HEATR1: variants seen among roughly 807,000 people sequenced by gnomAD.
HEATR1 encodes HEAT repeat containing 1.
HEATR1 carries 77 observed loss-of-function variants against 248.2 expected under a neutral mutation model. The ratio of observed to expected loss-of-function variants is 0.31; its 90% confidence interval spans 0.26 to 0.37. HEATR1 has a LOEUF of 0.37. Among genes scored for constraint, HEATR1 ranks in the 10% least tolerant of loss-of-function variants. The probability of loss-of-function intolerance (pLI) is 1.00; values close to 1 mark genes in which losing one functional copy is unlikely to be tolerated. For synonymous variants in HEATR1, 897 were observed against 923.1 expected, an observed-to-expected ratio of 0.97 and a Z score of 0.51; for missense variants, 2,420 against 2,504.9, an observed-to-expected ratio of 0.97 and a Z score of 0.72.
chr1:236,578,780 T>G (rs1433682604), intron 20 of HEATR1, among the ~76,000 whole-genome samples: 2 of 152,182 alleles, frequency 1.3e-5, no homozygotes, highest in Non-Finnish European at 2.9e-5. Flanking sequence ...ATGCCAGTTT[T>G]AAATAAAGAA....
rs368009730 is a variant in HEATR1 at position 236,582,793 on chromosome 1, C to G, written c.2505G>C (p.Met835Ile). ...YLHLLIGLFE[M>I]MLNGADAVHF... Reference sequence around the variant, plus strand: ...GAACAGCATCGGCACCATTGAGCATCATCTCAAACAGCCCAATGAGCAAGT... The same window carrying G: ...GAACAGCATCGGCACCATTGAGCATGATCTCAAACAGCCCAATGAGCAAGT... The change falls in exon 19 of 45, where the codon ATG becomes ATC. Residue 835 changes from methionine (M) to isoleucine (I), a missense_variant. By Grantham distance (10) the Met-to-Ile change is conservative. Transcript: ENST00000366582. 3.7e-6 allele frequency: 6 copies of G among 1,614,006 alleles called. No individual in the cohort carries two copies. Among genetic ancestry groups the G allele is most frequent in the Non-Finnish European group, 5.1e-6 (6 of 1,179,990 alleles).
intron 20 of HEATR1, among the ~76,000 whole-genome samples, chr1:236,578,433 T>C (rs1408607870): frequency 6.6e-6 from 1 of 152,250 alleles, no homozygotes; most frequent in Non-Finnish European, 1.5e-5. Flanking sequence ...TTCCCAATTA[T>C]GAAGTGAAAA....
At chr1:236,600,575 G>C (rs923068029) in intron 3 of HEATR1, among the ~76,000 whole-genome samples, 8 of 151,524 alleles carry the variant, frequency 5.3e-5, no homozygotes, top group African/African-American at 1.9e-4. Context: ...TGGTCACCCA[G>C]GCTGGAGTGC....
At chr1:236,599,675 C>T (rs1664265936) in intron 3 of HEATR1, 51 bp from the exon 4 acceptor site, 2 of 1,516,916 alleles carry the variant, frequency 1.3e-6, no homozygotes, top group African/African-American at 1.4e-5. Context: ...TAATAATAAG[C>T]ACCTATTTCC....
In HEATR1 at chr1:236,597,931, T is replaced by C. The variant is rs142578249; in HGVS notation, c.550A>G (p.Lys184Glu). The C allele has an allele frequency of 8.0e-4, 1,292 of 1,613,934 alleles. No individual in the cohort carries two copies. The highest frequency in any genetic ancestry group is 9.7e-4 in the Non-Finnish European group (1,145 of 1,179,922). Residue 184 changes from lysine (K) to glutamate (E), a missense_variant, in exon 5 of 45, where the codon AAA (lysine) becomes GAA (glutamate). Coordinates refer to ENST00000366582, the MANE Select transcript of HEATR1 (RefSeq NM_018072.6). ...ATGAAATCCATGAATCCAAGATCTT[T>C]GTAGCAGTGGGTAATCAAAGTTCCT... ...AKGTLITHCYKDLGFMDFICS... is the reference protein window; with the variant it reads ...AKGTLITHCYEDLGFMDFICS...
intron 31 of HEATR1, among the ~76,000 whole-genome samples, chr1:236,565,597 A>G (rs1274382932): frequency 6.6e-6 from 1 of 152,126 alleles, no homozygotes. Context: ...ATGTCTTCAG[A>G]TATTTTAATG....
intron 12 of HEATR1, among the ~76,000 whole-genome samples, chr1:236,590,331 G>T (rs998538914): frequency 1.3e-5 from 2 of 152,044 alleles, no homozygotes; most frequent in African/African-American, 4.8e-5. Flanking sequence ...ACACCCAAGA[G>T]ATCCTCCTAC....
chr1:236,565,927 T>C lies in HEATR1; in HGVS notation c.4427A>G (p.Glu1476Gly). 1 of 1,613,420 alleles carries C rather than the reference T, an allele frequency of 6.2e-7. No homozygotes were observed. The highest frequency in any genetic ancestry group is 8.5e-7 in the Non-Finnish European group (1 of 1,179,730). ...ACCCGATCTACGCTTACCTTCTTTT[T>C]CCTCTGGCAGCTTTAGTAAGTACTG... Reference protein sequence around the residue: ...ILQYLLKLPEEKEETIPKAVS... With the variant: ...ILQYLLKLPEGKEETIPKAVS... The change falls in exon 31 of 45, where the codon GAA becomes GGA. Residue 1476 changes from glutamate to glycine, a missense_variant. Coordinates refer to ENST00000366582, the MANE Select transcript of HEATR1 (RefSeq NM_018072.6).
rs1663222971 is a variant in HEATR1 at position 236,564,673 on chromosome 1, AT to A, written c.4436-13del. 3.7e-6 allele frequency: 6 copies of A among 1,606,030 alleles called. No individual in the cohort carries two copies. The East Asian group carries it at 1.3e-4, about 36-fold the overall frequency. On this transcript the variant is annotated splice_polypyrimidine_tract_variant and intron_variant, in intron 31 of 44. Coordinates refer to ENST00000366582, the MANE Select transcript of HEATR1 (RefSeq NM_018072.6). ...TTTGGGAATGGTTTCTGAAACAGCA[AT>A]AAAACAAGTGACCTTACTCATTTTC... is the stretch of plus-strand genomic sequence containing the variant.
Position 236,555,863 on chromosome 1 carries a change from T to A in HEATR1, c.5591A>T (p.Gln1864Leu), listed in dbSNP as rs755457626. 3.7e-6 allele frequency: 6 copies of A among 1,613,756 alleles called. No individual in the cohort carries two copies. In the African/African-American group the frequency reaches 6.7e-5, roughly 18 times the overall value. The change falls in exon 39 of 45, where the codon CAG becomes CTG. Residue 1864 changes from glutamine to leucine, a missense_variant. Gln to Leu is a moderately radical substitution (Grantham distance 113, BLOSUM62 -2). Coordinates refer to ENST00000366582, the MANE Select transcript of HEATR1 (RefSeq NM_018072.6). ...CAGGAAAAAGGCGGTTAGCTGAGAC[T>A]GATGGGAGGTGAGCTCTTCCTTCTT... ...VMKKEELTSH[Q>L]SQLTAFFLEA...
In HEATR1 at chr1:236,555,363, A is replaced by G; in HGVS notation, c.5856T>C (p.Thr1952=). ...GCTTCACTAAGTGGCCGGCAAACAG[A>G]GTAAAAAGCCCTTTCAGCTTTTCAG... ...CIAEKLKGLF[T]LFAGHLVKPF... Residue 1952 remains threonine, a synonymous_variant, in exon 41 of 45, where the codon ACT becomes ACC. Transcript: ENST00000366582. The G allele has an allele frequency of 1.2e-6, 2 of 1,614,256 alleles. No homozygotes were observed. The highest frequency in any genetic ancestry group is 1.7e-6 in the Non-Finnish European group (2 of 1,180,048).
intron 8 of HEATR1, among the ~76,000 whole-genome samples, chr1:236,594,735 C>T (rs1189296670): frequency 6.6e-6 from 1 of 152,124 alleles, no homozygotes. Context: ...GCAACAGAAC[C>T]AAATGTTTCT....
chr1:236,557,108 C>G, intron 37 of HEATR1, 87 bp downstream of exon 37: 1 of 1,406,582 alleles, frequency 7.1e-7, no homozygotes, highest in South Asian at 1.5e-5. Context: ...GAAACTAACC[C>G]TTAAAGAAAA....
chr1:236,559,189 C>A (rs2146122), intron 34 of HEATR1, 54 bp from the exon 35 acceptor site: 13 of 1,445,814 alleles, frequency 9.0e-6, no homozygotes, highest in African/African-American at 8.7e-5. Flanking sequence ...AAAAAAAAAA[C>A]CAACTTCAAT....
At position 236,549,487 on chromosome 1, in the gene HEATR1, A is replaced by C. The variant is rs1161188490; in HGVS notation, c.*1415T>G. 2.6e-5 allele frequency: 4 copies of C among 152,534 alleles called. No individual in the cohort carries two copies. The highest frequency in any genetic ancestry group is 9.6e-5 in the African/African-American group (4 of 41,482). 9.4% of individuals were successfully genotyped at this position (152,534 alleles called of 1,614,324 possible). On this transcript the variant is annotated 3_prime_UTR_variant, in exon 45 of 45. Transcript: ENST00000366582. ...ATTTTCAGAACAGATTTTAGATATT[A>C]TTTCTATCCATATATTGAAAAGAAT...
Position 236,587,388 on chromosome 1 carries a change from A to G in HEATR1, c.1715+14T>C. The G allele has an allele frequency of 7.7e-7, 1 of 1,302,434 alleles. No homozygotes were observed. The highest frequency in any genetic ancestry group is 1.1e-6 in the Non-Finnish European group (1 of 950,060). The allele number at this position is 1,302,434 out of a possible 1,614,324, so 80.7% of individuals were successfully genotyped here. On this transcript the variant is annotated intron_variant, in intron 14 of 44. Transcript: ENST00000366582. Reference sequence around the variant, plus strand: ...CATCAATTCAAAATAGTATGAGGAGAAATGAATACATACCATTCTCCATTC... The same window carrying G: ...CATCAATTCAAAATAGTATGAGGAGGAATGAATACATACCATTCTCCATTC...
At chr1:236,581,671 G>A (rs12069618) in intron 19 of HEATR1, among the ~76,000 whole-genome samples, 19,743 of 152,094 alleles carry the variant, frequency 0.13, 2,067 homozygotes, top group African/African-American at 0.28. Flanking sequence ...TATCTGGGAC[G>A]CCTAATTAAG....
At position 236,556,215 on chromosome 1, in the gene HEATR1, G is replaced by A. The variant is rs1324225336; in HGVS notation, c.5399C>T (p.Ser1800Leu). The A allele has an allele frequency of 6.2e-7, 1 of 1,613,954 alleles. No homozygotes were observed. Among genetic ancestry groups the A allele is most frequent in the African/African-American group, 1.3e-5 (1 of 74,892 alleles). ...AGATGTGAGACGGATATTAGCCTGT[G>A]ACGCAGAACCCATTTCACTAGTGAT... Reference protein sequence around the residue: ...EKITSEMGSASQANIRLTSLK... With the variant: ...EKITSEMGSALQANIRLTSLK... The change falls in exon 38 of 45, where the codon TCA becomes TTA. Residue 1800 changes from serine (S) to leucine (L), a missense_variant. By Grantham distance (145) the Ser-to-Leu change is moderately radical (BLOSUM62 -2). Coordinates refer to ENST00000366582, the MANE Select transcript of HEATR1 (RefSeq NM_018072.6).
intron 33 of HEATR1, among the ~76,000 whole-genome samples, chr1:236,560,837 T>C (rs1290560236): frequency 1.3e-5 from 2 of 152,186 alleles, no homozygotes; most frequent in Non-Finnish European, 2.9e-5. Context: ...TGCAACTCAA[T>C]ACAATACACA....
Sources: allele counts gnomAD v4.1 joint callset (sites outside exome capture counted in the v4.1 genomes callset), GRCh38; gene constraint gnomAD v4.1.1; transcripts MANE v1.5; gene names NCBI Gene and HGNC (gene_info 2026-07-23, HGNC 2026-07-21).